Variants in NPIPA5 observed in about 807,000 individuals in gnomAD.
NPIPA5 encodes nuclear pore complex-interacting protein family member A5.
In NPIPA5, 6 loss-of-function variants were observed where a neutral mutation model predicts 21.4. That is an observed-to-expected ratio of 0.28 (90% CI 0.15 to 0.55). The LOEUF is 0.55. Among genes scored for constraint, NPIPA5 ranks in the 20% least tolerant of loss-of-function variants. NPIPA5 has a pLI of 0.93. For synonymous variants in NPIPA5, 33 were observed against 115.3 expected (o/e 0.29, Z 4.57); for missense variants, 99 against 318.2 (o/e 0.31, Z 5.24).
chr16:15,370,814 G>C (rs2050135685), intron 2 of NPIPA5, among the ~76,000 whole-genome samples: 1 of 148,600 alleles, frequency 6.7e-6, no homozygotes, highest in Admixed American at 7.0e-5. Flanking sequence ...ACTTTGGGAG[G>C]CCGAGGCGGG....
chr16:15,375,430 T>C (rs568174618), intron 1 of NPIPA5, among the ~76,000 whole-genome samples: 5 of 148,278 alleles, frequency 3.4e-5, no homozygotes, highest in Non-Finnish European at 7.5e-5. Flanking sequence ...CAAATAAGTA[T>C]CGAATTTTAG....
In NPIPA5 at chr16:15,370,836, C is replaced by G. The variant is rs990078347; in HGVS notation, c.193-717G>C. On this transcript the variant is annotated intron_variant, in intron 2 of 7. Coordinates refer to ENST00000360151, the MANE Select transcript of NPIPA5 (RefSeq NM_001277325.2). ...GAGGCCGAGGCGGGTGAATCACGGTCCAGAGATGGAGACCATCCTGGGCAA... is the reference window on the plus strand; with the variant it reads ...GAGGCCGAGGCGGGTGAATCACGGTGCAGAGATGGAGACCATCCTGGGCAA... Among the ~76,000 whole-genome samples the G allele has an allele frequency of 4.1e-5, 6 of 147,876 alleles. 1 individual carries two copies. The highest frequency in any genetic ancestry group is 2.1e-4 in the Admixed American group (3 of 14,162).
In NPIPA5 at chr16:15,372,528, C is replaced by A. The variant is rs1363558777; in HGVS notation, c.192+1187G>T. 1.4e-5 allele frequency among the ~76,000 whole-genome samples: 2 copies of A among 145,180 alleles called. 1 individual carries two copies. Among genetic ancestry groups the A allele is most frequent in the African/African-American group, 5.0e-5 (2 of 39,810 alleles). On this transcript the variant is annotated intron_variant, in intron 2 of 7. Transcript: ENST00000360151. ...AAAAAAAAGCTTCCTCCAATTTATA[C>A]CAAAAATTCTCTGTTCAGGACTAAG... is the stretch of plus-strand genomic sequence containing the variant.
intron 1 of NPIPA5, among the ~76,000 whole-genome samples, chr16:15,377,206 A>C (rs1161888927): frequency 9.6e-6 from 1 of 103,828 alleles, no homozygotes; most frequent in East Asian, 2.4e-4. Flanking sequence ...TTTTTTGTAG[A>C]GATGGGGTTT....
chr16:15,380,121 T>C (rs2150893052), upstream of NPIPA5, among the ~76,000 whole-genome samples: 1 of 151,984 alleles, frequency 6.6e-6, no homozygotes, highest in South Asian at 2.1e-4. Flanking sequence ...GGACTTTTTG[T>C]AGACTGCACA....
chr16:15,372,731 G>A lies in NPIPA5; in HGVS notation c.192+984C>T, dbSNP rs938825228. Among the ~76,000 whole-genome samples, 41 of 145,164 alleles carry A rather than the reference G, an allele frequency of 2.8e-4. 1 individual carries two copies. The highest frequency in any genetic ancestry group is 5.0e-4 in the Non-Finnish European group (33 of 66,172). On this transcript the variant is annotated intron_variant, in intron 2 of 7. Transcript: ENST00000360151. ...TTGTGGTATTAGTACTTTTATCTTG[G>A]ATCATTGTTCAGAAGGAGGTTCAGC...
chr16:15,375,728 C>T (rs1260181059), intron 1 of NPIPA5, among the ~76,000 whole-genome samples: 18 of 131,388 alleles, frequency 1.4e-4, no homozygotes, highest in African/African-American at 2.8e-4. Flanking sequence ...GGTGACAGAG[C>T]GAGACTCTGT....
chr16:15,380,234 A>G (rs989502758), upstream of NPIPA5, among the ~76,000 whole-genome samples: 3 of 151,938 alleles, frequency 2.0e-5, 1 homozygote, highest in African/African-American at 7.3e-5. Context: ...GAACATATAT[A>G]TGTACTGTAG....
chr16:15,370,166 G>A (rs2050110887), intron 2 of NPIPA5, 47 bp from the exon 3 acceptor site: 1 of 1,559,560 alleles, frequency 6.4e-7, no homozygotes, highest in African/African-American at 1.4e-5. Context: ...GGTGGCTCAT[G>A]CGTATAATCC....
upstream of NPIPA5, among the ~76,000 whole-genome samples, chr16:15,378,882 CTG>C (rs1186370068): frequency 2.5e-5 from 3 of 121,728 alleles, no homozygotes; most frequent in Non-Finnish European, 5.1e-5. Context: ...TCCAAGGAAT[CTG>C]TGCATTTCAA....
At chr16:15,369,193 T>C (rs187526) in intron 4 of NPIPA5, among the ~76,000 whole-genome samples, 21,901 of 138,344 alleles carry the variant, frequency 0.16, 2,185 homozygotes, top group East Asian at 0.47. Context: ...TGGTGGCTCA[T>C]GCCTCTAATC....
At chr16:15,369,160 A>T in intron 4 of NPIPA5, among the ~76,000 whole-genome samples, 1 of 147,858 alleles carries the variant, frequency 6.8e-6, no homozygotes, top group Non-Finnish European at 1.5e-5. Context: ...TCAAAATTAA[A>T]AAAAAAAAAA....
chr16:15,367,987 A>T (rs2150851432), intron 4 of NPIPA5, among the ~76,000 whole-genome samples: 1 of 59,614 alleles, frequency 1.7e-5, no homozygotes, highest in Middle Eastern at 4.3e-3. Flanking sequence ...ACCAAACAGA[A>T]TATAAAACCC....
At chr16:15,379,610 A>G (rs576415228), upstream of NPIPA5, among the ~76,000 whole-genome samples, 1 of 151,676 alleles carries the variant, frequency 6.6e-6, no homozygotes, top group South Asian at 2.1e-4. Context: ...AGGGTTAACA[A>G]AAGTATGGAA....
chr16:15,370,832 C>T (rs936107519), intron 2 of NPIPA5, among the ~76,000 whole-genome samples: 11 of 148,086 alleles, frequency 7.4e-5, no homozygotes, highest in African/African-American at 2.2e-4. Flanking sequence ...GGGTGAATCA[C>T]GGTCCAGAGA....
At chr16:15,370,723 C>A (rs1170752063) in intron 2 of NPIPA5, among the ~76,000 whole-genome samples, 1 of 134,882 alleles carries the variant, frequency 7.4e-6, no homozygotes, top group Admixed American at 8.3e-5. Context: ...TGCACTCCAA[C>A]ATGGGCAACA....
upstream of NPIPA5, among the ~76,000 whole-genome samples, chr16:15,379,344 C>T (rs981292598): frequency 5.1e-4 from 77 of 151,886 alleles, no homozygotes; most frequent in African/African-American, 1.5e-3. Context: ...CCGAGGTGGG[C>T]GGATCACAAG....
At chr16:15,372,420 G>C (rs2050181296) in intron 2 of NPIPA5, among the ~76,000 whole-genome samples, 2 of 145,660 alleles carry the variant, frequency 1.4e-5, no homozygotes. Context: ...AGGAGGTGGA[G>C]GTTGCAGTGA....
chr16:15,369,232 G>T (rs558648348), intron 4 of NPIPA5, among the ~76,000 whole-genome samples: 17 of 148,496 alleles, frequency 1.1e-4, no homozygotes, highest in African/African-American at 4.2e-4. Flanking sequence ...GAGGCGGGTG[G>T]ATTACCTGAG....
Sources: gnomAD v4.1 joint callset for allele counts (sites outside exome capture counted in the v4.1 genomes callset) on GRCh38, gnomAD v4.1.1 for gene constraint, MANE v1.5 for transcripts, NCBI Gene and HGNC (gene_info 2026-07-23, HGNC 2026-07-21) for gene names.